LRRC3B: variants seen among roughly 807,000 people sequenced by gnomAD.
The protein encoded by LRRC3B is leucine-rich repeat-containing protein 3B.
Under a neutral mutation model 12.8 loss-of-function variants are expected in LRRC3B, and 2 were observed. That is an observed-to-expected ratio of 0.16 (90% CI 0.06 to 0.49). The LOEUF (loss-of-function observed/expected upper bound fraction) is 0.49. LRRC3B is among the 20% of genes least tolerant of loss of function. LRRC3B has a pLI of 0.96. For synonymous variants in LRRC3B, 132 were observed against 122.0 expected (o/e 1.08, Z -0.54); for missense variants, 189 against 319.4 (o/e 0.59, Z 3.11).
chr3:26,650,530 A>G (rs1699242964), intron 1 of LRRC3B, among the ~76,000 whole-genome samples: 1 of 152,184 alleles, frequency 6.6e-6, no homozygotes, highest in Non-Finnish European at 1.5e-5. Flanking sequence ...TACAGGCAAT[A>G]AGCAAGTACA....
intron 1 of LRRC3B, among the ~76,000 whole-genome samples, chr3:26,693,198 G>A (rs7634992): frequency 0.04 from 5,788 of 145,632 alleles, 464 homozygotes; most frequent in African/African-American, 0.15. Flanking sequence ...GCATGGTGGC[G>A]CGTGCCTGTA....
At chr3:26,684,476 G>A (rs1700032231) in intron 1 of LRRC3B, among the ~76,000 whole-genome samples, 1 of 152,174 alleles carries the variant, frequency 6.6e-6, no homozygotes, top group Non-Finnish European at 1.5e-5. Context: ...TCCATTTTGT[G>A]CATTATGACA....
intron 1 of LRRC3B, among the ~76,000 whole-genome samples, chr3:26,650,895 G>A (rs1699251661): frequency 6.6e-6 from 1 of 152,096 alleles, no homozygotes; most frequent in African/African-American, 2.4e-5. Context: ...AGCCCCTCTT[G>A]GTGCCATGTA....
chr3:26,702,502 T>C (rs1235473437), intron 1 of LRRC3B, among the ~76,000 whole-genome samples: 1 of 152,164 alleles, frequency 6.6e-6, no homozygotes, highest in Non-Finnish European at 1.5e-5. Context: ...AATCTCATAT[T>C]TGTGGAACGA....
At chr3:26,671,092 T>C (rs1476543653) in intron 1 of LRRC3B, among the ~76,000 whole-genome samples, 2 of 131,466 alleles carry the variant, frequency 1.5e-5, no homozygotes, top group East Asian at 2.4e-4. Flanking sequence ...CTCGGCTCAC[T>C]GCAAGCTCCG....
At chr3:26,705,648 G>T (rs557957969) in intron 1 of LRRC3B, among the ~76,000 whole-genome samples, 1 of 152,060 alleles carries the variant, frequency 6.6e-6, no homozygotes, top group Non-Finnish European at 1.5e-5. Context: ...CTTTGGGTTT[G>T]TGTGTAGTTG....
chr3:26,658,712 ATCTGT>A (rs1333912837), intron 1 of LRRC3B, among the ~76,000 whole-genome samples: 2 of 152,228 alleles, frequency 1.3e-5, no homozygotes, highest in Admixed American at 6.5e-5. Flanking sequence ...GGAAAGTGTG[ATCTGT>A]TCTGTGTTTT....
chr3:26,682,722 G>C (rs777793312), intron 1 of LRRC3B, among the ~76,000 whole-genome samples: 2 of 152,110 alleles, frequency 1.3e-5, no homozygotes, highest in Non-Finnish European at 2.9e-5. Flanking sequence ...CCCCTCTCAG[G>C]GTTCTCACAT....
At chr3:26,677,040 C>G (rs1699874280) in intron 1 of LRRC3B, among the ~76,000 whole-genome samples, 1 of 152,010 alleles carries the variant, frequency 6.6e-6, no homozygotes, top group South Asian at 2.1e-4. Flanking sequence ...GTCTAGGGGT[C>G]AAGAGCACAC....
intron 1 of LRRC3B, among the ~76,000 whole-genome samples, chr3:26,687,689 G>C (rs1483738440): frequency 6.6e-6 from 1 of 152,130 alleles, no homozygotes; most frequent in Non-Finnish European, 1.5e-5. Flanking sequence ...TTGTGTACTT[G>C]TGAGCTGAGC....
intron 1 of LRRC3B, among the ~76,000 whole-genome samples, chr3:26,627,697 C>G (rs928192615): frequency 6.6e-6 from 1 of 152,028 alleles, no homozygotes; most frequent in Non-Finnish European, 1.5e-5. Flanking sequence ...CCCCAAGACC[C>G]CAGTTATCTC....
At chr3:26,705,620 A>G (rs1700567182) in intron 1 of LRRC3B, among the ~76,000 whole-genome samples, 1 of 152,118 alleles carries the variant, frequency 6.6e-6, no homozygotes, top group Non-Finnish European at 1.5e-5. Context: ...CTTGCCCAGC[A>G]GCATAGCTTG....
intron 1 of LRRC3B, among the ~76,000 whole-genome samples, chr3:26,628,145 C>T (rs1425135663): frequency 1.3e-5 from 2 of 151,936 alleles, no homozygotes; most frequent in African/African-American, 2.4e-5. Context: ...TGGGGTGTAC[C>T]TTTATCTTAA....
chr3:26,703,359 A>T (rs1369040279), intron 1 of LRRC3B, among the ~76,000 whole-genome samples: 1 of 152,218 alleles, frequency 6.6e-6, no homozygotes, highest in South Asian at 2.1e-4. Flanking sequence ...GAGAATAAGC[A>T]AATGCTATTC....
At chr3:26,709,210 G>A (rs758894956) in intron 1 of LRRC3B, among the ~76,000 whole-genome samples, 1 of 152,166 alleles carries the variant, frequency 6.6e-6, no homozygotes, top group Admixed American at 6.5e-5. Context: ...TGTAGAATTC[G>A]AAGGGGTCCA....
chr3:26,653,652 G>A lies in LRRC3B; in HGVS notation c.-161+30415G>A, dbSNP rs185155094. 3.1e-3 allele frequency among the ~76,000 whole-genome samples: 467 copies of A among 152,196 alleles called. 1 individual carries two copies. The highest frequency in any genetic ancestry group is 0.011 in the African/African-American group (451 of 41,538). The stretch of plus-strand genomic sequence containing the variant: ...CCTGAAGTCTAGCTGAGATTTTTGA[G>A]AACTCTTGATCATGCTGGATGTTTT... On this transcript the variant is annotated intron_variant, in intron 1 of 1. Coordinates refer to ENST00000396641, the Ensembl canonical transcript of LRRC3B.
chr3:26,647,843 G>T (rs1384680658), intron 1 of LRRC3B, among the ~76,000 whole-genome samples: 1 of 152,172 alleles, frequency 6.6e-6, no homozygotes, highest in African/African-American at 2.4e-5. Flanking sequence ...ACAATACCCA[G>T]CTTCAGAGGG....
At chr3:26,669,569 T>A (rs1699678095) in intron 1 of LRRC3B, among the ~76,000 whole-genome samples, 1 of 152,246 alleles carries the variant, frequency 6.6e-6, no homozygotes, top group South Asian at 2.1e-4. Flanking sequence ...CAATTTTCAC[T>A]AATTGCTTGA....
At chr3:26,646,971 T>C (rs975730713) in intron 1 of LRRC3B, among the ~76,000 whole-genome samples, 6 of 152,134 alleles carry the variant, frequency 3.9e-5, no homozygotes, top group Admixed American at 2.0e-4. Context: ...CTTAATTCTT[T>C]TTACTCAAGT....
Sources: gnomAD v4.1 joint callset for allele counts (sites outside exome capture counted in the v4.1 genomes callset) on GRCh38, gnomAD v4.1.1 for gene constraint, MANE v1.5 for transcripts, NCBI Gene and HGNC (gene_info 2026-07-23, HGNC 2026-07-21) for gene names.